Variants in SCART1 observed in about 807,000 individuals in gnomAD.
The protein encoded by SCART1 is scavenger receptor cysteine-rich domain-containing protein SCART1.
In SCART1, 62 loss-of-function variants were observed where a neutral mutation model predicts 36.2. The observed-to-expected ratio is 1.71, with a 90% CI of 1.40 to 2.12. The LOEUF is 2.12. Ranked by LOEUF, SCART1 falls within the 30% of genes most tolerant of loss-of-function variation. The pLI is 0.00. For synonymous variants in SCART1, 487 were observed against 238.7 expected (o/e 2.04, Z -9.59); for missense variants, 1,041 against 540.5 (o/e 1.93, Z -9.18).
At chr10:133,465,674 T>C in intron 9 of SCART1, 109 bp downstream of exon 9, 2 of 603,266 alleles carry the variant, frequency 3.3e-6, no homozygotes, top group Non-Finnish European at 5.9e-6. Context: ...CAGGTGTTAG[T>C]GGGTTGGTTT....
chr10:133,457,980 G>A, intron 3 of SCART1: 1 of 521,846 alleles, frequency 1.9e-6, no homozygotes, highest in South Asian at 2.0e-5. Context: ...AGGAGCAGCT[G>A]AAATGAGGTG....
chr10:133,459,132 T>C (rs750481404), exon 5 of SCART1: 1 of 702,826 alleles, frequency 1.4e-6, no homozygotes, highest in Non-Finnish European at 2.6e-6. Context: ...GATGCCACCG[T>C]CCTCTGCCAC....
At chr10:133,454,863 G>A (rs556707425) in intron 1 of SCART1, among the ~76,000 whole-genome samples, 1 of 152,306 alleles carries the variant, frequency 6.6e-6, no homozygotes, top group South Asian at 2.1e-4. Flanking sequence ...TGTGGCCACA[G>A]ATGGATGGAA....
chr10:133,467,350 G>A (rs542839641), exon 11 of SCART1: 101 of 700,524 alleles, frequency 1.4e-4, no homozygotes, highest in South Asian at 1.1e-3. Flanking sequence ...CACAGAAGCC[G>A]CAGGTGGGTT....
At chr10:133,456,085 C>T (rs185958680) in intron 1 of SCART1, among the ~76,000 whole-genome samples, 152 bp from the exon 2 acceptor site, 47 of 152,218 alleles carry the variant, frequency 3.1e-4, no homozygotes, top group African/African-American at 9.9e-4. Flanking sequence ...CTGTGAGCCG[C>T]GCCCATCACC....
chr10:133,461,013 G>A lies in SCART1; in HGVS notation c.1969+843G>A, dbSNP rs145433848. ...AGCCTCCCAAAGTGTTGGGATTACA[G>A]GTGTGAGCCACCGCACCTGACCATT... On this transcript the variant is annotated intron_variant, in intron 6 of 11. Coordinates refer to ENST00000640237, the Ensembl canonical transcript of SCART1. 6.4e-4 allele frequency among the ~76,000 whole-genome samples: 98 copies of A among 152,236 alleles called. 2 individuals are homozygous for A. The highest frequency in any genetic ancestry group is 2.3e-3 in the African/African-American group (95 of 41,538).
chr10:133,456,612 G>A (rs1333671227), intron 2 of SCART1, 58 bp downstream of exon 2: 5 of 616,586 alleles, frequency 8.1e-6, no homozygotes, highest in South Asian at 7.5e-5. Context: ...GGGAGGACGA[G>A]GAGGAGGACT....
chr10:133,455,244 G>A (rs1318335042), intron 1 of SCART1, among the ~76,000 whole-genome samples: 3 of 152,164 alleles, frequency 2.0e-5, no homozygotes, highest in Non-Finnish European at 4.4e-5. Context: ...TCCAGCCTGA[G>A]TGACAGAGCG....
At chr10:133,457,165 C>G (rs569277415) in intron 2 of SCART1, 114 bp from the exon 3 acceptor site, 2 of 648,236 alleles carry the variant, frequency 3.1e-6, no homozygotes, top group Non-Finnish European at 5.5e-6. Context: ...GTCACCTGCC[C>G]CTGAAGCTGG....
At chr10:133,458,566 T>A in exon 4 of SCART1, 4 of 685,906 alleles carry the variant, frequency 5.8e-6, no homozygotes, top group Non-Finnish European at 1.1e-5. Flanking sequence ...GGCCTTCCGC[T>A]GTGCGGGCAA....
Position 133,456,569 on chromosome 10 carries a change from G to C in SCART1, c.385+15G>C. On this transcript the variant is annotated intron_variant, in intron 2 of 11. Coordinates refer to ENST00000640237, the Ensembl canonical transcript of SCART1. ...GCTGTGCTCCAGTAAGTAGGGAGGA[G>C]TGAAGGGGACGGGGCTGAGGAGGAG... 1 of 644,560 alleles carries C rather than the reference G, an allele frequency of 1.6e-6. No individual in the cohort carries two copies. The highest frequency in any genetic ancestry group is 2.8e-6 in the Non-Finnish European group (1 of 354,114). The allele number at this position is 644,560 out of a possible 1,614,324, so 39.9% of individuals were successfully genotyped here.
In SCART1 at chr10:133,460,054, T is replaced by A. The variant is rs1414262653; in HGVS notation, c.1853T>A (p.Ile618Asn). 3 of 512,630 alleles carry A rather than the reference T, an allele frequency of 5.9e-6. No individual in the cohort carries two copies. The African/African-American group carries it at 6.1e-5, about 10-fold the overall frequency. The allele number at this position is 512,630 out of a possible 1,614,324, so 31.8% of individuals were successfully genotyped here. A position where few individuals can be genotyped will look rare whatever the true frequency, so the allele number is the denominator to read the frequency against. Residue 618 changes from isoleucine (I) to asparagine (N), a missense_variant, in exon 6 of 12, where the codon ATC (isoleucine) becomes AAC (asparagine). Coordinates refer to ENST00000640237, the Ensembl canonical transcript of SCART1. ...CACTTCGGAGCCGGGGCAGGGCGCA[T>A]CTGGCTGGACGAGCTGGGCTGCCAG...
intron 9 of SCART1, chr10:133,466,032 T>C: frequency 1.5e-6 from 1 of 651,680 alleles, no homozygotes; most frequent in South Asian, 1.7e-5. Flanking sequence ...GGCTGTCCCT[T>C]GAAAGCAGAC....
rs1022249872 is a variant in SCART1 at position 133,456,135 on chromosome 10, G to A, written c.68-102G>A. On this transcript the variant is annotated intron_variant, in intron 1 of 11. Transcript: ENST00000640237. Reference sequence around the variant, plus strand: ...TGGTGGGGTGAGAGGAGCCCGACTCGCTGCTGAGGCCTCACAGGCCGTTCC... The same window carrying A: ...TGGTGGGGTGAGAGGAGCCCGACTCACTGCTGAGGCCTCACAGGCCGTTCC... 6.9e-5 allele frequency: 44 copies of A among 635,452 alleles called. No homozygotes were observed. The East Asian group carries it at 9.8e-4, about 14-fold the overall frequency. The allele number at this position is 635,452 out of a possible 1,614,324, so 39.4% of individuals were successfully genotyped here. A position where few individuals can be genotyped will look rare whatever the true frequency, so the allele number is the denominator to read the frequency against.
chr10:133,458,472 G>A (rs1231191966), exon 4 of SCART1: 12 of 693,604 alleles, frequency 1.7e-5, no homozygotes, highest in Non-Finnish European at 2.9e-5. Flanking sequence ...CCCACGTGGT[G>A]TGCCGGGAGC....
At chr10:133,454,269 C>G (rs1403660144) in intron 1 of SCART1, among the ~76,000 whole-genome samples, 1 of 152,156 alleles carries the variant, frequency 6.6e-6, no homozygotes, top group African/African-American at 2.4e-5. Context: ...CAGACCCTAG[C>G]CCCACTGCTT....
chr10:133,456,127 C>A (rs1382203085), intron 1 of SCART1, 110 bp from the exon 2 acceptor site: 3 of 634,444 alleles, frequency 4.7e-6, no homozygotes, highest in Non-Finnish European at 8.6e-6. Flanking sequence ...GTGAGAGGAG[C>A]CCGACTCGCT....
At position 133,459,002 on chromosome 10, in the gene SCART1, G is replaced by T; in HGVS notation, c.980-19G>T. On this transcript the variant is annotated intron_variant, in intron 4 of 11. Coordinates refer to ENST00000640237, the Ensembl canonical transcript of SCART1. Reference sequence around the variant, plus strand: ...GGGTCGGCCGTCTGCAAGCCAGGCTGACTCCTCCTCTCCCCCAGAGTTCAG... The same window carrying T: ...GGGTCGGCCGTCTGCAAGCCAGGCTTACTCCTCCTCTCCCCCAGAGTTCAG... 1.5e-6 allele frequency: 1 copy of T among 660,568 alleles called. No homozygotes were observed. The highest frequency in any genetic ancestry group is 1.6e-5 in the South Asian group (1 of 61,392). The allele number at this position is 660,568 out of a possible 1,614,324, so 40.9% of individuals were successfully genotyped here.
chr10:133,458,860 T>C, intron 4 of SCART1, 161 bp from the exon 5 acceptor site: 1 of 639,396 alleles, frequency 1.6e-6, no homozygotes, highest in South Asian at 1.8e-5. Context: ...TCTGGAGAGC[T>C]GTGTGAGCTG....
Sources: allele counts gnomAD v4.1 joint callset (sites outside exome capture counted in the v4.1 genomes callset), GRCh38; gene constraint gnomAD v4.1.1; transcripts MANE v1.5; gene names NCBI Gene and HGNC (gene_info 2026-07-23, HGNC 2026-07-21).